Variants in ATP13A4 observed in about 807,000 individuals in gnomAD.
ATP13A4 encodes ATPase 13A4.
Under a neutral mutation model 142.5 loss-of-function variants are expected in ATP13A4, and 114 were observed. The ratio of observed to expected loss-of-function variants is 0.80; its 90% confidence interval spans 0.69 to 0.93. The LOEUF is 0.93. ATP13A4 is among the 40% of genes least tolerant of loss of function. The probability of loss-of-function intolerance (pLI) is 0.00; values close to 1 mark genes in which losing one functional copy is unlikely to be tolerated. For missense variants in ATP13A4, 1,392 were observed against 1,454.0 expected (o/e 0.96, Z 0.69); for synonymous variants, 488 against 514.8 (o/e 0.95, Z 0.70).
At chr3:193,590,852 T>A (rs1292873853) in intron 1 of ATP13A4, among the ~76,000 whole-genome samples, 3 of 152,170 alleles carry the variant, frequency 2.0e-5, no homozygotes. Flanking sequence ...AAACAGTAAT[T>A]GATGTGTTCA....
At chr3:193,417,935 A>C (rs1715165672) in intron 25 of ATP13A4, among the ~76,000 whole-genome samples, 1 of 146,534 alleles carries the variant, frequency 6.8e-6, no homozygotes, top group Non-Finnish European at 1.5e-5. Context: ...ATCCCGGCTA[A>C]AACGGTGAAA....
At chr3:193,406,681 C>T (rs1048129850) in intron 29 of ATP13A4, among the ~76,000 whole-genome samples, 3 of 152,176 alleles carry the variant, frequency 2.0e-5, no homozygotes, top group Non-Finnish European at 1.5e-5. Flanking sequence ...CGGAAAAGCT[C>T]ACTATGAATG....
intron 2 of ATP13A4, among the ~76,000 whole-genome samples, chr3:193,576,434 G>T (rs551100772): frequency 1.3e-5 from 2 of 149,848 alleles, no homozygotes; most frequent in African/African-American, 4.9e-5. Context: ...ACCGCGCCCG[G>T]CTAATTTTTT....
At chr3:193,575,310 C>A (rs922799667) in intron 2 of ATP13A4, among the ~76,000 whole-genome samples, 5 of 152,040 alleles carry the variant, frequency 3.3e-5, no homozygotes, top group Non-Finnish European at 5.9e-5. Flanking sequence ...ATAGAAGTTT[C>A]TAGAATTACT....
chr3:193,443,498 GC>G (rs35198480), intron 18 of ATP13A4, among the ~76,000 whole-genome samples: 6,507 of 152,206 alleles, frequency 0.043, 465 homozygotes, highest in African/African-American at 0.15. Flanking sequence ...TTGATTGCTA[GC>G]CCAAAACAAA....
Position 193,470,806 on chromosome 3 carries a change from G to A in ATP13A4, c.943+53C>T, listed in dbSNP as rs1718573481. ...GAGGAGGCGTAGGGACCATAGCAGC[G>A]TGGAGTGTGGGCCAGCCCACAGAGG... On this transcript the variant is annotated intron_variant, in intron 9 of 29. Transcript: ENST00000342695. 40 of 1,612,340 alleles carry A rather than the reference G, an allele frequency of 2.5e-5. No homozygotes were observed. The South Asian group carries it at 2.6e-4, about 11-fold the overall frequency.
intron 2 of ATP13A4, among the ~76,000 whole-genome samples, chr3:193,564,460 T>C (rs545501883): frequency 6.6e-6 from 1 of 152,300 alleles, no homozygotes; most frequent in South Asian, 2.1e-4. Flanking sequence ...CTGTTTATCA[T>C]GTAAGGTGGG....
At chr3:193,457,492 G>T in intron 14 of ATP13A4, 27 bp from the exon 15 acceptor site, 2 of 1,595,628 alleles carry the variant, frequency 1.3e-6, no homozygotes, top group East Asian at 2.2e-5. Flanking sequence ...ATATTTCATT[G>T]CAGAGATTTA....
Position 193,535,780 on chromosome 3 carries a change from GA to G in ATP13A4, c.60+18959del, listed in dbSNP as rs553297946. On this transcript the variant is annotated intron_variant, in intron 1 of 29. Coordinates refer to ENST00000342695, the MANE Select transcript of ATP13A4 (RefSeq NM_032279.4). ...ATTGACAAACCACTGGCAAGACTGAGAAAAAAAAGAGAAGAGACAAATCATC... is the reference window on the plus strand; with the variant it reads ...ATTGACAAACCACTGGCAAGACTGAGAAAAAAAGAGAAGAGACAAATCATC... Among the ~76,000 whole-genome samples the G allele has an allele frequency of 5.3e-5, 8 of 150,472 alleles. No individual in the cohort carries two copies. The South Asian group carries it at 1.7e-3, about 32-fold the overall frequency.
chr3:193,582,487 C>T (rs1244832039), intron 1 of ATP13A4, among the ~76,000 whole-genome samples: 13 of 142,490 alleles, frequency 9.1e-5, no homozygotes, highest in African/African-American at 3.4e-4. Context: ...ATAATATATA[C>T]ATGTATATAC....
chr3:193,465,202 T>C, intron 11 of ATP13A4, 74 bp from the exon 12 acceptor site: 5 of 1,497,664 alleles, frequency 3.3e-6, no homozygotes, highest in Non-Finnish European at 4.5e-6. Flanking sequence ...GCCTTTTTTT[T>C]TTGAGGCGGA....
chr3:193,542,950 G>A (rs527815348), intron 1 of ATP13A4, among the ~76,000 whole-genome samples: 38 of 152,298 alleles, frequency 2.5e-4, no homozygotes, highest in Admixed American at 9.8e-4. Flanking sequence ...CAGATCACAA[G>A]GTCAGGAGAT....
At chr3:193,450,028 A>C (rs1717184164) in intron 17 of ATP13A4, among the ~76,000 whole-genome samples, 1 of 151,924 alleles carries the variant, frequency 6.6e-6, no homozygotes, top group Non-Finnish European at 1.5e-5. Context: ...CTGAGGCAGG[A>C]GAATTGCTTG....
Position 193,541,248 on chromosome 3 carries a change from C to CAAA in ATP13A4, c.60+13489_60+13491dup, listed in dbSNP as rs71179308. ...TGGGCGACAGAGCGAGACTCCTTCT[C>CAAA]AAAAAAAAAAAAAAAAAAAAAATCA... On this transcript the variant is annotated intron_variant, in intron 1 of 29. Coordinates refer to ENST00000342695, the MANE Select transcript of ATP13A4 (RefSeq NM_032279.4). Among the ~76,000 whole-genome samples the CAAA allele has an allele frequency of 4.1e-4, 21 of 51,254 alleles. 1 individual carries two copies. The East Asian group carries it at 8.1e-3, about 20-fold the overall frequency. 33.6% of individuals were successfully genotyped at this position (51,254 alleles called of 152,430 possible).
rs767590074 is a variant in ATP13A4 at position 193,467,345 on chromosome 3, C to T, written c.1085G>A (p.Gly362Glu). 1.7e-5 allele frequency: 28 copies of T among 1,613,986 alleles called. No individual in the cohort carries two copies. Among genetic ancestry groups the T allele is most frequent in the Admixed American group, 1.7e-4 (10 of 60,000 alleles). The change falls in exon 10 of 30, where the codon GGG (glycine) becomes GAG (glutamate). Residue 362 changes from glycine (G) to glutamate (E), a missense_variant. Coordinates refer to ENST00000342695, the MANE Select transcript of ATP13A4 (RefSeq NM_032279.4). ...EVIQAKAACS[G>E]TVRAVVLQTG... The stretch of plus-strand genomic sequence containing the variant: ...CTGCAGTACCACGGCTCTCACGGTC[C>T]CAGAGCAAGCTGCCTTGGCCTGGAT...
intron 1 of ATP13A4, among the ~76,000 whole-genome samples, chr3:193,548,807 G>T (rs1222215809): frequency 2.6e-5 from 4 of 152,182 alleles, no homozygotes; most frequent in African/African-American, 9.7e-5. Context: ...CTGCTGCCAC[G>T]TTATGTGCCC....
At chr3:193,457,333 C>T (rs754693332) in intron 15 of ATP13A4, 46 bp downstream of exon 15, 1 of 1,604,506 alleles carries the variant, frequency 6.2e-7, no homozygotes, top group South Asian at 1.1e-5. Flanking sequence ...AGAAGAGTTT[C>T]TCTTTGAGTT....
chr3:193,457,824 C>T (rs1029827822), intron 14 of ATP13A4, among the ~76,000 whole-genome samples: 2 of 152,208 alleles, frequency 1.3e-5, no homozygotes, highest in Non-Finnish European at 2.9e-5. Flanking sequence ...CGTTCTTTTC[C>T]TGCACTTCAC....
intron 2 of ATP13A4, among the ~76,000 whole-genome samples, chr3:193,576,925 A>T (rs1724409746): frequency 6.6e-6 from 1 of 152,254 alleles, no homozygotes; most frequent in African/African-American, 2.4e-5. Context: ...CTTCCAAATA[A>T]GCAAAAAGAA....
Sources: gnomAD v4.1 joint callset for allele counts (sites outside exome capture counted in the v4.1 genomes callset) on GRCh38, gnomAD v4.1.1 for gene constraint, MANE v1.5 for transcripts, NCBI Gene and HGNC (gene_info 2026-07-23, HGNC 2026-07-21) for gene names.